DOK7: variants seen among roughly 807,000 people sequenced by gnomAD.
The protein encoded by DOK7 is docking protein 7, also known as protein Dok-7.
Under a neutral mutation model 30.7 loss-of-function variants are expected in DOK7, and 32 were observed. The ratio of observed to expected loss-of-function variants is 1.04; its 90% CI spans 0.79 to 1.40. The LOEUF is 1.40. Among genes scored for constraint, DOK7 ranks in the 40% most tolerant of loss-of-function variants. DOK7 has a pLI of 0.00. For synonymous variants in DOK7, 447 were observed against 324.1 expected (o/e 1.38, Z -4.07); for missense variants, 1,007 against 699.2 (o/e 1.44, Z -4.97).
chr4:3,500,246 C>A (rs377039397), intron 6 of DOK7: 50 of 1,535,222 alleles, frequency 3.3e-5, no homozygotes, highest in Middle Eastern at 3.3e-4. Flanking sequence ...CCGCTCCCCC[C>A]ACAGGATCCC....
In DOK7 at chr4:3,473,613, G is replaced by A. The variant is rs377554325; in HGVS notation, c.308G>A (p.Arg103Gln). The change falls in exon 3 of 7, where the codon CGG becomes CAG. Residue 103 changes from arginine (R) to glutamine (Q), a missense_variant. Physicochemically the swap from Arg to Gln is conservative, Grantham distance 43. Transcript: ENST00000340083. ...GAGGCCATGTGTGCGTGGGATGCCC[G>A]GATCCGCTATGCGCTCGGCGAGGGT... ...SHEAMCAWDA[R>Q]IRYALGEVHR... 1.6e-5 allele frequency: 25 copies of A among 1,594,576 alleles called. No individual in the cohort carries two copies. Among genetic ancestry groups the A allele is most frequent in the African/African-American group, 6.7e-5 (5 of 74,500 alleles).
chr4:3,468,540 A>ATGAGTGTGTGTGTGAG (rs1560205458), intron 2 of DOK7, among the ~76,000 whole-genome samples: 2 of 93,154 alleles, frequency 2.1e-5, no homozygotes, highest in African/African-American at 1.1e-4. Flanking sequence ...CTGTGAGTGT[A>ATGAGTGTGTGTGTGAG]TGTGTGTGTG....
intron 2 of DOK7, among the ~76,000 whole-genome samples, chr4:3,464,214 G>T (rs1441733443): frequency 2.6e-5 from 4 of 152,198 alleles, no homozygotes; most frequent in African/African-American, 9.6e-5. Context: ...GAGCCGGCCA[G>T]GCCCGGGTCT....
downstream of DOK7, among the ~76,000 whole-genome samples, chr4:3,497,970 G>A (rs1451652658): frequency 6.6e-6 from 1 of 152,310 alleles, no homozygotes; most frequent in South Asian, 2.1e-4. Context: ...GGGTGCCCTG[G>A]GACACAGGTG....
intron 4 of DOK7, among the ~76,000 whole-genome samples, chr4:3,479,922 G>T (rs1727340171): frequency 6.6e-6 from 1 of 152,248 alleles, no homozygotes; most frequent in Non-Finnish European, 1.5e-5. Flanking sequence ...TTGGCACATG[G>T]CAGGCGACGG....
chr4:3,463,635 A>G, intron 2 of DOK7, 84 bp downstream of exon 2: 1 of 1,478,360 alleles, frequency 6.8e-7, no homozygotes, highest in Non-Finnish European at 9.1e-7. Context: ...CAGCTTGCCC[A>G]AAATCGCCGC....
chr4:3,492,733 T>A (rs1370228785), intron 6 of DOK7, 26 bp from the exon 7 acceptor site: 1 of 1,611,194 alleles, frequency 6.2e-7, no homozygotes, highest in African/African-American at 1.3e-5. Flanking sequence ...CCCCCACAAC[T>A]GCCTTGGCTT....
intron 2 of DOK7, among the ~76,000 whole-genome samples, chr4:3,468,285 TG>T (rs1726441928): frequency 6.7e-6 from 1 of 148,182 alleles, no homozygotes; most frequent in African/African-American, 2.6e-5. Flanking sequence ...CCTGTGGGAG[TG>T]TGTGTGCACG....
rs1727097545 is a variant in DOK7, at chr4:3,476,479, C to G, written c.469C>G (p.Leu157Val). ...CACGGGGCAGTGGAAGCTGTCTGAC[C>G]TCCGGCGCTACGGGGCCGTGCCAAG... Reference protein sequence around the residue: ...AVTGQWKLSDLRRYGAVPSGF... With the variant: ...AVTGQWKLSDVRRYGAVPSGF... The change falls in exon 4 of 7, where the codon CTC becomes GTC. Residue 157 changes from leucine (L) to valine (V), a missense_variant. Physicochemically the swap from Leu to Val is conservative, Grantham distance 32 (BLOSUM62 1). Transcript: ENST00000340083. 1 of 1,613,906 alleles carries G rather than the reference C, an allele frequency of 6.2e-7. No individual in the cohort carries two copies. The highest frequency in any genetic ancestry group is 2.2e-5 in the East Asian group (1 of 44,894).
Position 3,493,883 on chromosome 4 carries a change from C to T in DOK7, c.*382C>T, listed in dbSNP as rs1363592105. The T allele has an allele frequency of 9.1e-7, 1 of 1,099,302 alleles. No individual in the cohort carries two copies. Among genetic ancestry groups the T allele is most frequent in the Non-Finnish European group, 1.1e-6 (1 of 903,226 alleles). The allele number at this position is 1,099,302 out of a possible 1,614,324, so 68.1% of individuals were successfully genotyped here. A position where few individuals can be genotyped will look rare whatever the true frequency, so the allele number is the denominator to read the frequency against. On this transcript the variant is annotated 3_prime_UTR_variant, in exon 7 of 7. Coordinates refer to ENST00000340083, the MANE Select transcript of DOK7 (RefSeq NM_173660.5). Reference sequence around the variant, plus strand: ...GCCTTGTCCTCCTTGGGCCTCACGCCCCCTTCGGGGGTGGCCGGTTCTCCC... The same window carrying T: ...GCCTTGTCCTCCTTGGGCCTCACGCTCCCTTCGGGGGTGGCCGGTTCTCCC...
intron 5 of DOK7, 90 bp from the exon 6 acceptor site, chr4:3,489,586 GA>G (rs1176346439): frequency 6.5e-7 from 1 of 1,544,868 alleles, no homozygotes. Flanking sequence ...CACAGAGGGG[GA>G]TAACCACTGA....
chr4:3,492,382 G>GC (rs34247441), intron 6 of DOK7, among the ~76,000 whole-genome samples: 1 of 150,968 alleles, frequency 6.6e-6, no homozygotes, highest in Non-Finnish European at 1.5e-5. Flanking sequence ...AGGGCAAGCT[G>GC]CCCCAGGTGG....
At chr4:3,468,824 GGAGT>G (rs1337325834) in intron 2 of DOK7, among the ~76,000 whole-genome samples, 1 of 145,640 alleles carries the variant, frequency 6.9e-6, no homozygotes, top group African/African-American at 2.6e-5. Flanking sequence ...GTGTATGCAT[GGAGT>G]GTGTGTGTGC....
chr4:3,480,594 C>T (rs975344348), intron 4 of DOK7, among the ~76,000 whole-genome samples: 1 of 152,224 alleles, frequency 6.6e-6, no homozygotes, highest in East Asian at 1.9e-4. Flanking sequence ...GGCAACAGAG[C>T]CAGGCTCTGT....
chr4:3,476,557 G>A lies in DOK7; in HGVS notation c.532+15G>A, dbSNP rs752303492. The A allele has an allele frequency of 2.5e-5, 40 of 1,613,586 alleles. No individual in the cohort carries two copies. Among genetic ancestry groups the A allele is most frequent in the Non-Finnish European group, 3.1e-5 (37 of 1,180,024 alleles). Reference sequence around the variant, plus strand: ...GTGTGGGTACTGTAAGTACGGATGTGTGGGGTCACTGGGCAGCAGCAGCAC... The same window carrying A: ...GTGTGGGTACTGTAAGTACGGATGTATGGGGTCACTGGGCAGCAGCAGCAC... On this transcript the variant is annotated intron_variant, in intron 4 of 6. Transcript: ENST00000340083.
At chr4:3,491,431 C>CTCAT (rs1212349741) in intron 6 of DOK7, among the ~76,000 whole-genome samples, 2 of 148,570 alleles carry the variant, frequency 1.3e-5, no homozygotes, top group African/African-American at 4.9e-5. Flanking sequence ...TCTTCCCCTG[C>CTCAT]TCATTCATTT....
intron 3 of DOK7, among the ~76,000 whole-genome samples, chr4:3,475,231 C>T (rs1449165713): frequency 6.6e-6 from 1 of 152,264 alleles, no homozygotes; most frequent in Non-Finnish European, 1.5e-5. Flanking sequence ...CAGCCTGGCT[C>T]AGCGGCATGG....
chr4:3,468,429 AATGTAC>A (rs1485463363), intron 2 of DOK7, among the ~76,000 whole-genome samples: 2 of 146,110 alleles, frequency 1.4e-5, no homozygotes, highest in African/African-American at 5.2e-5. Context: ...TGCCTGTGTG[AATGTAC>A]ATGTACGAGT....
intron 2 of DOK7, 24 bp from the exon 3 acceptor site, chr4:3,473,382 C>G: frequency 1.9e-6 from 3 of 1,608,908 alleles, no homozygotes; most frequent in Non-Finnish European, 2.5e-6. Flanking sequence ...TGGCTGGCGT[C>G]CCTGACGGCC....
Sources: gnomAD v4.1 joint callset for allele counts (sites outside exome capture counted in the v4.1 genomes callset) on GRCh38, gnomAD v4.1.1 for gene constraint, MANE v1.5 for transcripts, NCBI Gene and HGNC (gene_info 2026-07-23, HGNC 2026-07-21) for gene names.